Variants in UVRAG observed in about 807,000 individuals in gnomAD.
The protein encoded by UVRAG is UV radiation resistance associated.
UVRAG carries 19 observed loss-of-function variants against 78.0 expected under a neutral mutation model. The ratio of observed to expected loss-of-function variants is 0.24; its 90% CI spans 0.17 to 0.36. The LOEUF is 0.36. UVRAG is among the 10% of genes least tolerant of loss of function. The pLI, the probability that UVRAG is intolerant of heterozygous loss-of-function variation, is 1.00. For missense variants in UVRAG, 740 were observed against 853.8 expected, an observed-to-expected ratio of 0.87 and a Z score of 1.66; for synonymous variants, 323 against 324.6, an observed-to-expected ratio of 1.00 and a Z score of 0.05.
chr11:75,961,298 T>C (rs1470937081), intron 6 of UVRAG, 146 bp from the exon 7 acceptor site: 3 of 641,262 alleles, frequency 4.7e-6, no homozygotes, highest in African/African-American at 3.8e-5. Flanking sequence ...TTCCCTGTTA[T>C]TTCATTGCGA....
chr11:76,008,627 A>G (rs1012737417), intron 10 of UVRAG, among the ~76,000 whole-genome samples, 180 bp from the exon 11 acceptor site: 1 of 152,164 alleles, frequency 6.6e-6, no homozygotes, highest in East Asian at 1.9e-4. Flanking sequence ...TTTCAAGTAT[A>G]TGTAAATGTA....
intron 6 of UVRAG, among the ~76,000 whole-genome samples, chr11:75,938,086 C>T (rs993562240): frequency 1.3e-5 from 2 of 150,744 alleles, no homozygotes; most frequent in Admixed American, 6.6e-5. Flanking sequence ...TATGTATATA[C>T]ACACACACAC....
intron 7 of UVRAG, among the ~76,000 whole-genome samples, chr11:75,967,986 T>G (rs963771601): frequency 6.6e-6 from 1 of 152,234 alleles, no homozygotes; most frequent in African/African-American, 2.4e-5. Context: ...TTAGCTCCAA[T>G]ATGATCAATG....
chr11:75,891,940 GA>G (rs1234592275), intron 5 of UVRAG, among the ~76,000 whole-genome samples: 1 of 152,108 alleles, frequency 6.6e-6, no homozygotes, highest in Admixed American at 6.5e-5. Context: ...ATAGGTGATA[GA>G]TAAATGTAGA....
chr11:76,081,666 G>C (rs369093611), intron 13 of UVRAG, among the ~76,000 whole-genome samples: 1 of 151,574 alleles, frequency 6.6e-6, no homozygotes, highest in Non-Finnish European at 1.5e-5. Flanking sequence ...ATAATAAACC[G>C]GTTACTCTTA....
chr11:75,872,013 T>C (rs2134829381), intron 3 of UVRAG, among the ~76,000 whole-genome samples: 1 of 152,328 alleles, frequency 6.6e-6, no homozygotes, highest in East Asian at 1.9e-4. Context: ...CCCGAACAAG[T>C]ATTGGAGTCT....
Position 76,016,960 on chromosome 11 carries a change from A to G in UVRAG, c.1206A>G (p.Lys402=). 2 of 1,605,244 alleles carry G rather than the reference A, an allele frequency of 1.2e-6. No individual in the cohort carries two copies. Among genetic ancestry groups the G allele is most frequent in the Admixed American group, 1.7e-5 (1 of 59,280 alleles). The part of the protein sequence containing the change: ...RSTIKDNIND[K]LTEKEREFPL... ...CAATCAAAGACAATATCAATGACAAACTGACGGAAAAGGAGAGAGAGTAAG... is the reference window on the plus strand; with the variant it reads ...CAATCAAAGACAATATCAATGACAAGCTGACGGAAAAGGAGAGAGAGTAAG... Residue 402 remains lysine (K), a synonymous_variant, in exon 12 of 15, where the codon AAA becomes AAG. Coordinates refer to ENST00000356136, the MANE Select transcript of UVRAG (RefSeq NM_003369.4).
At chr11:76,126,085 GAC>G (rs1487201069) in intron 14 of UVRAG, among the ~76,000 whole-genome samples, 1 of 151,494 alleles carries the variant, frequency 6.6e-6, no homozygotes, top group Non-Finnish European at 1.5e-5. Context: ...GGGCAGCTGG[GAC>G]CACAGGCGCA....
chr11:76,033,771 C>G (rs1178011579), intron 12 of UVRAG, among the ~76,000 whole-genome samples: 1 of 152,060 alleles, frequency 6.6e-6, no homozygotes, highest in Non-Finnish European at 1.5e-5. Context: ...TCAGGAAATG[C>G]ATGTTAAAAC....
In UVRAG at chr11:76,115,937, A is replaced by G. The variant is rs1464733153; in HGVS notation, c.1319A>G (p.His440Arg). 5 of 1,613,768 alleles carry G rather than the reference A, an allele frequency of 3.1e-6. No homozygotes were observed. The South Asian group carries it at 5.5e-5, about 18-fold the overall frequency. ...NKNIAQLRYQ[H>R]GLGTPDLRQT... ...TCACCTTCACAGCTAAGATATCAAC[A>G]TGGACTAGGGACTCCAGACTTGCGG... Residue 440 changes from histidine (H) to arginine (R), a missense_variant, in exon 14 of 15, where the codon CAT (histidine) becomes CGT (arginine). His to Arg is a conservative substitution (Grantham distance 29, BLOSUM62 0). Transcript: ENST00000356136.
intron 12 of UVRAG, among the ~76,000 whole-genome samples, chr11:76,037,511 T>C (rs1165533241): frequency 7.9e-6 from 1 of 126,234 alleles, no homozygotes; most frequent in African/African-American, 3.0e-5. Context: ...GAGACCAGCC[T>C]GGGCAACATT....
chr11:75,985,847 G>A (rs1177374545), intron 8 of UVRAG, among the ~76,000 whole-genome samples: 1 of 152,054 alleles, frequency 6.6e-6, no homozygotes, highest in Non-Finnish European at 1.5e-5. Flanking sequence ...TTGCTTGTAA[G>A]TCTGTTAAGA....
intron 6 of UVRAG, among the ~76,000 whole-genome samples, chr11:75,955,496 A>T (rs141909720): frequency 5.1e-4 from 78 of 152,296 alleles, no homozygotes; most frequent in African/African-American, 1.7e-3. Flanking sequence ...GATGACTTTC[A>T]GGTTAGGATT....
intron 6 of UVRAG, among the ~76,000 whole-genome samples, chr11:75,917,853 G>T (rs369559032): frequency 6.6e-6 from 1 of 152,008 alleles, no homozygotes; most frequent in Non-Finnish European, 1.5e-5. Context: ...CTCATCTGTC[G>T]ACCCTTCTTT....
chr11:75,848,523 T>C (rs1012855734), intron 1 of UVRAG, among the ~76,000 whole-genome samples: 2 of 152,236 alleles, frequency 1.3e-5, no homozygotes, highest in Non-Finnish European at 2.9e-5. Context: ...GTGGTCGTGC[T>C]AATTTCCCAC....
At chr11:76,140,566 C>G in intron 14 of UVRAG, 145 bp from the exon 15 acceptor site, 1 of 821,668 alleles carries the variant, frequency 1.2e-6, no homozygotes, top group Middle Eastern at 3.7e-4. Flanking sequence ...TGCATTGAGA[C>G]ACTGCAATAA....
chr11:76,059,962 C>T (rs1951052665), intron 12 of UVRAG, among the ~76,000 whole-genome samples: 1 of 152,188 alleles, frequency 6.6e-6, no homozygotes, highest in Non-Finnish European at 1.5e-5. Context: ...ATGTCCTCAT[C>T]CCCAGTTGCC....
intron 12 of UVRAG, among the ~76,000 whole-genome samples, chr11:76,064,363 A>T (rs1261344930): frequency 6.6e-6 from 1 of 152,150 alleles, no homozygotes; most frequent in Non-Finnish European, 1.5e-5. Flanking sequence ...TTTGCAGGCT[A>T]CCCCATCTGA....
chr11:76,075,150 C>CA (rs574548767), intron 13 of UVRAG, among the ~76,000 whole-genome samples: 2 of 152,030 alleles, frequency 1.3e-5, no homozygotes, highest in African/African-American at 4.8e-5. Flanking sequence ...TTCTTGGAAT[C>CA]AAAAATATAA....
Sources: allele counts gnomAD v4.1 joint callset (sites outside exome capture counted in the v4.1 genomes callset), GRCh38; gene constraint gnomAD v4.1.1; transcripts MANE v1.5; gene names NCBI Gene and HGNC (gene_info 2026-07-23, HGNC 2026-07-21).